CFI: variants seen among roughly 807,000 people sequenced by gnomAD.
CFI encodes the protein C3B/C4B inactivator.
A neutral mutation model predicts 78.8 loss-of-function variants in CFI; 66 were observed. The ratio of observed to expected loss-of-function variants is 0.84; its 90% CI spans 0.69 to 1.03. The LOEUF (loss-of-function observed/expected upper bound fraction) is 1.03. Ranked by LOEUF, CFI falls within the 50% of genes least tolerant of loss-of-function variation. The pLI, the probability that CFI is intolerant of heterozygous loss-of-function variation, is 0.00. For synonymous variants in CFI, 250 were observed against 232.6 expected (o/e 1.07, Z -0.68); for missense variants, 706 against 704.5 (o/e 1.00, Z -0.02).
chr4:109,738,614 G>A (rs189365504), downstream of CFI, among the ~76,000 whole-genome samples: 2 of 152,294 alleles, frequency 1.3e-5, no homozygotes, highest in East Asian at 3.9e-4. Flanking sequence ...CCAAAGCTGG[G>A]TTAGAGAAGG....
chr4:109,760,527 A>G lies in CFI; in HGVS notation c.768T>C (p.Cys256=), dbSNP rs1209607102. Residue 256 remains cysteine, a synonymous_variant, in exon 5 of 13, where the codon TGT becomes TGC. Transcript: ENST00000394634. The part of the protein sequence containing the change: ...DCGDQSDELC[C]KACQGKGFHC... Reference sequence around the variant, plus strand: ...AGAGGCTAGATTTATGTCTACCTTTACAACACAGTTCATCACTTTGGTCTC... The same window carrying G: ...AGAGGCTAGATTTATGTCTACCTTTGCAACACAGTTCATCACTTTGGTCTC... The G allele has an allele frequency of 6.3e-7, 1 of 1,575,428 alleles. No homozygotes were observed. Among genetic ancestry groups the G allele is most frequent in the East Asian group, 2.2e-5 (1 of 44,686 alleles).
intron 1 of CFI, among the ~76,000 whole-genome samples, chr4:109,791,677 G>A (rs560446694): frequency 2.6e-4 from 39 of 152,244 alleles, no homozygotes; most frequent in African/African-American, 9.1e-4. Context: ...AGTTATCCCA[G>A]CATCATTTAT....
intron 1 of CFI, among the ~76,000 whole-genome samples, chr4:109,781,726 A>G (rs920267034): frequency 1.3e-5 from 2 of 152,176 alleles, no homozygotes; most frequent in Non-Finnish European, 1.5e-5. Flanking sequence ...CTACAGACTG[A>G]TATCTTTGAA....
chr4:109,738,446 C>A (rs1579143634), downstream of CFI, among the ~76,000 whole-genome samples: 1 of 152,108 alleles, frequency 6.6e-6, no homozygotes, highest in African/African-American at 2.4e-5. Context: ...CAGACATATT[C>A]TAAGGTGCTG....
At chr4:109,761,729 A>G (rs1422157259) in intron 3 of CFI, 37 bp from the exon 4 acceptor site, 3 of 1,533,702 alleles carry the variant, frequency 2.0e-6, no homozygotes, top group Non-Finnish European at 2.7e-6. Flanking sequence ...TGGTAGAATA[A>G]TTAGTACTTT....
intron 7 of CFI, among the ~76,000 whole-genome samples, chr4:109,755,176 T>C (rs1034559235): frequency 6.6e-6 from 1 of 152,144 alleles, no homozygotes; most frequent in Non-Finnish European, 1.5e-5. Flanking sequence ...AAAGCTAGTA[T>C]GCACATGAAG....
At chr4:109,770,956 G>A (rs893057868) in intron 1 of CFI, among the ~76,000 whole-genome samples, 2 of 152,192 alleles carry the variant, frequency 1.3e-5, no homozygotes, top group African/African-American at 4.8e-5. Context: ...ATGTTACTGA[G>A]GAATCTGTTG....
At chr4:109,772,862 A>C (rs1265679271) in intron 1 of CFI, among the ~76,000 whole-genome samples, 3 of 152,088 alleles carry the variant, frequency 2.0e-5, no homozygotes, top group Non-Finnish European at 4.4e-5. Context: ...GGGATTACAG[A>C]TGTGTGCCAC....
intron 3 of CFI, chr4:109,762,441 A>C (rs1300460596): frequency 6.6e-6 from 1 of 152,216 alleles, no homozygotes. Context: ...ATTTGTGAGA[A>C]GAGACTTCCT....
chr4:109,754,485 T>C (rs1320519109), intron 7 of CFI, among the ~76,000 whole-genome samples: 2 of 151,744 alleles, frequency 1.3e-5, no homozygotes, highest in Non-Finnish European at 2.9e-5. Context: ...GTTTTCATCT[T>C]TGCTCTGCCA....
At chr4:109,759,401 C>CA (rs1228525422) in intron 6 of CFI, among the ~76,000 whole-genome samples, 1 of 151,860 alleles carries the variant, frequency 6.6e-6, no homozygotes, top group East Asian at 1.9e-4. Flanking sequence ...TCTATTCATT[C>CA]AAAAAAGACA....
intron 1 of CFI, among the ~76,000 whole-genome samples, chr4:109,768,479 T>G (rs1363859690): frequency 6.6e-6 from 1 of 152,158 alleles, no homozygotes; most frequent in Non-Finnish European, 1.5e-5. Flanking sequence ...ATATCTCCTA[T>G]TTTGCAAGAT....
At chr4:109,780,101 T>C (rs1729808383) in intron 1 of CFI, among the ~76,000 whole-genome samples, 1 of 152,098 alleles carries the variant, frequency 6.6e-6, no homozygotes, top group Non-Finnish European at 1.5e-5. Context: ...ACTTCATGAC[T>C]AAAACACCAA....
chr4:109,745,500 T>C (rs1343170929), intron 11 of CFI, among the ~76,000 whole-genome samples: 1 of 152,218 alleles, frequency 6.6e-6, no homozygotes, highest in Non-Finnish European at 1.5e-5. Context: ...GGGAAAGGTG[T>C]TGACTAGTTT....
chr4:109,735,759 T>C (rs1723338688), downstream of CFI, among the ~76,000 whole-genome samples: 2 of 152,244 alleles, frequency 1.3e-5, no homozygotes, highest in African/African-American at 2.4e-5. Context: ...AGGATCTTTA[T>C]TGAGTGTACT....
intron 1 of CFI, among the ~76,000 whole-genome samples, chr4:109,782,034 C>G (rs1231812664): frequency 1.3e-5 from 2 of 152,118 alleles, no homozygotes; most frequent in African/African-American, 4.8e-5. Flanking sequence ...CTATCTATGA[C>G]AAACCCACAG....
Position 109,776,166 on chromosome 4 carries a change from A to G in CFI, c.58-9342T>C, listed in dbSNP as rs184204681. On this transcript the variant is annotated intron_variant, in intron 1 of 12. Transcript: ENST00000394634. Reference sequence around the variant, plus strand: ...GGCTTCAGACAATCAGTAATAACAAACTTCTCCAAGCTAAAGGAGGATGTT... The same window carrying G: ...GGCTTCAGACAATCAGTAATAACAAGCTTCTCCAAGCTAAAGGAGGATGTT... 5.9e-5 allele frequency among the ~76,000 whole-genome samples: 9 copies of G among 152,292 alleles called. No individual in the cohort carries two copies. In the East Asian group the frequency reaches 1.7e-3, roughly 29 times the overall value.
At chr4:109,761,161 G>T (rs1727005776) in intron 4 of CFI, among the ~76,000 whole-genome samples, 1 of 152,158 alleles carries the variant, frequency 6.6e-6, no homozygotes. Flanking sequence ...GTCACTTAAA[G>T]GTTTTAAATA....
rs765138129 is a variant in CFI, at chr4:109,749,272, C to T, written c.1094G>A (p.Cys365Tyr). The part of the protein sequence containing the change: ...VAIKDASGIT[C>Y]GGIYIGGCWI... ...ACAGCCACCAATATAAATTCCCCCA[C>T]AGGTGATTCCACTGGCATCCTTAAT... The change falls in exon 10 of 13, where the codon TGT becomes TAT. Residue 365 changes from cysteine (C) to tyrosine (Y), a missense_variant. Coordinates refer to ENST00000394634, the MANE Select transcript of CFI (RefSeq NM_000204.5). The T allele has an allele frequency of 6.2e-7, 1 of 1,614,074 alleles. No individual in the cohort carries two copies. The highest frequency in any genetic ancestry group is 8.5e-7 in the Non-Finnish European group (1 of 1,180,032).
Sources: allele counts gnomAD v4.1 joint callset (sites outside exome capture counted in the v4.1 genomes callset), GRCh38; gene constraint gnomAD v4.1.1; transcripts MANE v1.5; gene names NCBI Gene and HGNC (gene_info 2026-07-23, HGNC 2026-07-21).